The following PSMA8 variants were observed in gnomAD, a reference collection of about 807,000 sequenced individuals.
The protein encoded by PSMA8 is proteasome 20S subunit alpha 8, also known as proteasome subunit alpha-type 8.
PSMA8 carries 18 observed loss-of-function variants against 32.4 expected under a neutral mutation model. The observed-to-expected ratio is 0.56, with a 90% CI of 0.38 to 0.82. The LOEUF is 0.82. Among genes scored for constraint, PSMA8 ranks in the 40% least tolerant of loss-of-function variants. PSMA8 has a pLI of 0.00. For missense variants in PSMA8, 298 were observed against 300.7 expected, an observed-to-expected ratio of 0.99 and a Z score of 0.07; for synonymous variants, 104 against 98.1, an observed-to-expected ratio of 1.06 and a Z score of -0.36.
chr18:26,142,265 TCCTGACCTCGTGATCCAC>T (rs2054964665), intron 1 of PSMA8, among the ~76,000 whole-genome samples: 2 of 152,062 alleles, frequency 1.3e-5, no homozygotes, highest in African/African-American at 4.8e-5. Context: ...GGTCTCTATC[TCCTGACCTCGTGATCCAC>T]CCACCTCGGC....
intron 3 of PSMA8, among the ~76,000 whole-genome samples, chr18:26,156,284 T>G (rs1359361528): frequency 6.6e-6 from 1 of 152,172 alleles, no homozygotes; most frequent in African/African-American, 2.4e-5. Context: ...TATCCTCTAA[T>G]CCCACAATCC....
intron 2 of PSMA8, among the ~76,000 whole-genome samples, chr18:26,151,481 T>G (rs1310283478): frequency 6.6e-6 from 1 of 152,230 alleles, no homozygotes; most frequent in East Asian, 1.9e-4. Flanking sequence ...ATTTTCAAAC[T>G]CATGGTTTTA....
chr18:26,163,001 A>G (rs1485514226), intron 4 of PSMA8, among the ~76,000 whole-genome samples: 2 of 151,948 alleles, frequency 1.3e-5, no homozygotes, highest in South Asian at 2.1e-4. Context: ...TTCACCATCA[A>G]AAGTATAAAA....
At chr18:26,151,310 A>T (rs1029306757) in intron 2 of PSMA8, among the ~76,000 whole-genome samples, 1 of 152,232 alleles carries the variant, frequency 6.6e-6, no homozygotes, top group East Asian at 1.9e-4. Flanking sequence ...AAAGTTTAAT[A>T]GAAATGTTTG....
At position 26,192,384 on chromosome 18, in the gene PSMA8, G is replaced by C. The variant is rs749994476; in HGVS notation, c.726G>C (p.Glu242Asp). 3 of 1,533,862 alleles carry C rather than the reference G, an allele frequency of 2.0e-6. No homozygotes were observed. The highest frequency in any genetic ancestry group is 2.6e-6 in the Non-Finnish European group (3 of 1,152,858). ...TEIEKEKEEA[E>D]KKKSKKSV ...TAGAAAAGGAAAAGGAAGAAGCAGA[G>C]AAGAAAAAATCAAAGAAATCTGTCT... The change falls in exon 7 of 7, where the codon GAG (glutamate) becomes GAC (aspartate). Residue 242 changes from glutamate (E) to aspartate (D), a missense_variant. By Grantham distance (45) the Glu-to-Asp change is conservative (BLOSUM62 2). Transcript: ENST00000415576.
At chr18:26,136,274 G>C (rs564882728) in intron 1 of PSMA8, among the ~76,000 whole-genome samples, 1 of 152,214 alleles carries the variant, frequency 6.6e-6, no homozygotes, top group Admixed American at 6.5e-5. Context: ...TCTTCTTAGG[G>C]AAAAGAAATG....
At chr18:26,169,441 T>A (rs1402025934) in intron 4 of PSMA8, among the ~76,000 whole-genome samples, 1 of 131,642 alleles carries the variant, frequency 7.6e-6, no homozygotes, top group African/African-American at 4.1e-5. Flanking sequence ...GCAACCATCA[T>A]CCCTCACTTG....
chr18:26,170,422 A>G (rs1307108196), intron 4 of PSMA8, among the ~76,000 whole-genome samples: 1 of 131,006 alleles, frequency 7.6e-6, no homozygotes. Flanking sequence ...AATAAATATT[A>G]CCAACATGTG....
chr18:26,148,934 A>C (rs1010074803), intron 2 of PSMA8, among the ~76,000 whole-genome samples: 2 of 151,948 alleles, frequency 1.3e-5, no homozygotes, highest in African/African-American at 4.8e-5. Flanking sequence ...GCAGCCTTGA[A>C]CTCCAGGGCT....
chr18:26,159,672 T>C (rs944129393), intron 4 of PSMA8, among the ~76,000 whole-genome samples: 1 of 152,090 alleles, frequency 6.6e-6, no homozygotes, highest in Non-Finnish European at 1.5e-5. Context: ...TACAGAGAAG[T>C]ATTTTATTTT....
At chr18:26,161,513 C>T (rs2055135240) in intron 4 of PSMA8, among the ~76,000 whole-genome samples, 1 of 152,164 alleles carries the variant, frequency 6.6e-6, no homozygotes, top group African/African-American at 2.4e-5. Context: ...TAAGCCAATT[C>T]CCCTACTTCC....
rs113330309 is a variant in PSMA8, at chr18:26,141,999, CA to C, written c.103-2559del. Among the ~76,000 whole-genome samples the C allele has an allele frequency of 2.0e-4, 30 of 150,354 alleles. 1 individual carries two copies. The highest frequency in any genetic ancestry group is 7.1e-4 in the African/African-American group (29 of 40,936). On this transcript the variant is annotated intron_variant, in intron 1 of 6. Transcript: ENST00000415576. ...CCATGCTCAGCCAGGCCTAGTTCTA[CA>C]TTTCATCTATTGTGTATTTTCACTT...
At chr18:26,169,725 G>A (rs1289562657) in intron 4 of PSMA8, among the ~76,000 whole-genome samples, 1 of 129,064 alleles carries the variant, frequency 7.7e-6, no homozygotes, top group Non-Finnish European at 1.5e-5. Context: ...CGCGCACCCG[G>A]TCCCAGCTAC....
At chr18:26,192,259 T>C in intron 6 of PSMA8, 60 bp from the exon 7 acceptor site, 1 of 1,083,578 alleles carries the variant, frequency 9.2e-7, no homozygotes. Flanking sequence ...TTCTTCATAT[T>C]GTATTTACAT....
chr18:26,174,087 T>G (rs940337192), intron 4 of PSMA8, among the ~76,000 whole-genome samples: 3 of 152,216 alleles, frequency 2.0e-5, no homozygotes, highest in Non-Finnish European at 2.9e-5. Context: ...AAGGGAAGTT[T>G]GTGTTTTAAG....
chr18:26,133,932 G>C lies in PSMA8; in HGVS notation c.-34G>C. The C allele has an allele frequency of 6.4e-7, 1 of 1,567,518 alleles. No individual in the cohort carries two copies. The highest frequency in any genetic ancestry group is 1.7e-5 in the Admixed American group (1 of 59,620). On this transcript the variant is annotated 5_prime_UTR_variant, in exon 1 of 7. Transcript: ENST00000415576. ...CCGCTTGCCTCAGCTGCAGCAGCGG[G>C]AAGCTCGGTGGCAAGCCCTTGTAGT...
intron 3 of PSMA8, among the ~76,000 whole-genome samples, chr18:26,155,105 C>A (rs939646728): frequency 6.6e-6 from 1 of 151,994 alleles, no homozygotes; most frequent in East Asian, 1.9e-4. Context: ...TGTGGTGGTG[C>A]GCACCTGTAA....
At chr18:26,159,103 A>C (rs2055115141) in intron 4 of PSMA8, among the ~76,000 whole-genome samples, 1 of 152,184 alleles carries the variant, frequency 6.6e-6, no homozygotes. Context: ...TACAGAATCC[A>C]ATATAACTGA....
rs1313166142 is a variant in PSMA8 at position 26,179,097 on chromosome 18, A to G, written c.627A>G (p.Glu209=). The change falls in exon 6 of 7, where the codon GAA becomes GAG. Residue 209 remains glutamate (E), a synonymous_variant. Coordinates refer to ENST00000415576, the MANE Select transcript of PSMA8 (RefSeq NM_001025096.2). ...EVVQSGGKNI[E]LAIIRRNQPL... Reference sequence around the variant, plus strand: ...TCCAGTCTGGTGGAAAAAACATTGAACTTGCTATAATAAGAAGAAATCAAC... The same window carrying G: ...TCCAGTCTGGTGGAAAAAACATTGAGCTTGCTATAATAAGAAGAAATCAAC... The G allele has an allele frequency of 2.1e-5, 34 of 1,612,842 alleles. No individual in the cohort carries two copies. The highest frequency in any genetic ancestry group is 2.8e-5 in the Non-Finnish European group (33 of 1,179,272).
Sources: allele counts gnomAD v4.1 joint callset (sites outside exome capture counted in the v4.1 genomes callset), GRCh38; gene constraint gnomAD v4.1.1; transcripts MANE v1.5; gene names NCBI Gene and HGNC (gene_info 2026-07-23, HGNC 2026-07-21).